ERICH1: variants seen among roughly 807,000 people sequenced by gnomAD.
ERICH1 encodes the protein glutamate rich 1.
A neutral mutation model predicts 39.6 loss-of-function variants in ERICH1; 56 were observed. That is an observed-to-expected ratio of 1.41 (90% CI 1.14 to 1.77). The LOEUF is 1.77. Among genes scored for constraint, ERICH1 ranks in the 40% most tolerant of loss-of-function variants. The probability of loss-of-function intolerance (pLI) is 0.00; values close to 1 mark genes in which losing one functional copy is unlikely to be tolerated. For synonymous variants in ERICH1, 313 were observed against 223.6 expected, an observed-to-expected ratio of 1.40 and a Z score of -3.57; for missense variants, 826 against 575.4, an observed-to-expected ratio of 1.44 and a Z score of -4.45.
chr8:624,007 C>G (rs181005349), intron 3 of ERICH1, among the ~76,000 whole-genome samples: 23 of 152,154 alleles, frequency 1.5e-4, no homozygotes, highest in Admixed American at 2.6e-4. Flanking sequence ...TCTAATCTAA[C>G]GAGGGACTAA....
intron 2 of ERICH1, among the ~76,000 whole-genome samples, chr8:697,736 G>T (rs968595560): frequency 2.0e-5 from 3 of 151,784 alleles, no homozygotes; most frequent in African/African-American, 7.3e-5. Flanking sequence ...CCTCTCAAGA[G>T]GGGAGGGACT....
chr8:683,678 C>T (rs1014154284), intron 3 of ERICH1, among the ~76,000 whole-genome samples: 23 of 152,094 alleles, frequency 1.5e-4, no homozygotes, highest in African/African-American at 5.3e-4. Flanking sequence ...GGGACCTCAA[C>T]GTTATAAAAA....
rs1346605175 is a variant in ERICH1 at position 623,697 on chromosome 8, GC to G, written c.977-8414del. Among the ~76,000 whole-genome samples, 4 of 152,152 alleles carry G rather than the reference GC, an allele frequency of 2.6e-5. No individual in the cohort carries two copies. In the East Asian group the frequency reaches 7.7e-4, roughly 29 times the overall value. Reference sequence around the variant, plus strand: ...TGATGCTGGAACAAGTGGACTTCATGCAAAAACATGAAGTTGAACCCCTTTC... The same window carrying G: ...TGATGCTGGAACAAGTGGACTTCATGAAAAACATGAAGTTGAACCCCTTTC... On this transcript the variant is annotated intron_variant, in intron 3 of 3. Transcript: ENST00000522706.
intron 3 of ERICH1, among the ~76,000 whole-genome samples, chr8:627,932 A>G (rs1178248489): frequency 6.6e-6 from 1 of 152,132 alleles, no homozygotes; most frequent in Non-Finnish European, 1.5e-5. Context: ...CCAGCAGAGA[A>G]CACAGGGGCC....
At chr8:638,195 C>G (rs1798596219) in intron 3 of ERICH1, among the ~76,000 whole-genome samples, 1 of 152,260 alleles carries the variant, frequency 6.6e-6, no homozygotes, top group Non-Finnish European at 1.5e-5. Context: ...CTGGCCCTTG[C>G]CTTGGCGTTT....
chr8:707,708 G>T (rs1274482994), intron 2 of ERICH1, among the ~76,000 whole-genome samples: 1 of 152,088 alleles, frequency 6.6e-6, no homozygotes, highest in Non-Finnish European at 1.5e-5. Flanking sequence ...GAAAACCTAG[G>T]CATAAATCTT....
chr8:664,699 C>T (rs1485985389), intron 5 of ERICH1, 23 bp from the exon 6 acceptor site: 3 of 1,566,746 alleles, frequency 1.9e-6, no homozygotes, highest in South Asian at 1.2e-5. Flanking sequence ...AAACACAAAA[C>T]AAAAAATAAA....
intron 1 of ERICH1, among the ~76,000 whole-genome samples, chr8:726,421 T>C (rs1333225665): frequency 1.3e-5 from 2 of 149,256 alleles, no homozygotes; most frequent in Non-Finnish European, 3.0e-5. Flanking sequence ...TGTACACCCA[T>C]GCCACAGGCA....
chr8:702,634 C>T (rs1812413039), intron 2 of ERICH1, among the ~76,000 whole-genome samples: 1 of 152,232 alleles, frequency 6.6e-6, no homozygotes, highest in African/African-American at 2.4e-5. Flanking sequence ...CCACGTGCTG[C>T]AGGATTCACT....
chr8:668,376 CTT>C, intron 5 of ERICH1: 1 of 579,748 alleles, frequency 1.7e-6, no homozygotes. Flanking sequence ...AGTCCGGAAA[CTT>C]AGACTGCACA....
intron 2 of ERICH1, among the ~76,000 whole-genome samples, chr8:699,751 GTGCACACT>G (rs1563294989): frequency 1.1e-3 from 141 of 133,556 alleles, no homozygotes; most frequent in Non-Finnish European, 1.3e-3. Context: ...ACACGCACAC[GTGCACACT>G]CACACAGCCG....
intron 1 of ERICH1, among the ~76,000 whole-genome samples, chr8:728,096 C>A (rs913758906): frequency 9.9e-5 from 15 of 152,180 alleles, no homozygotes; most frequent in Non-Finnish European, 1.9e-4. Flanking sequence ...TCGTCTCTGC[C>A]AAGCAAACCC....
Position 686,944 on chromosome 8 carries a change from G to GC in ERICH1, c.304+5533dup, listed in dbSNP as rs934284171. 3.2e-5 allele frequency among the ~76,000 whole-genome samples: 3 copies of GC among 94,342 alleles called. No homozygotes were observed. In the Admixed American group the frequency reaches 3.3e-4, roughly 10 times the overall value. 61.9% of individuals were successfully genotyped at this position (94,342 alleles called of 152,430 possible). On this transcript the variant is annotated intron_variant, in intron 3 of 5. Transcript: ENST00000262109. Reference sequence around the variant, plus strand: ...GAGGGTGAGATGCGAGGAATGCGGAGCGGGGGGCAGCCCCATCACCCACCC... The same window carrying GC: ...GAGGGTGAGATGCGAGGAATGCGGAGCCGGGGGGCAGCCCCATCACCCACCC...
intron 3 of ERICH1, among the ~76,000 whole-genome samples, chr8:627,774 T>C (rs1356668545): frequency 1.3e-5 from 2 of 152,184 alleles, no homozygotes; most frequent in African/African-American, 4.8e-5. Context: ...CTCTGCCTTT[T>C]CCTTGGAGAA....
intron 3 of ERICH1, among the ~76,000 whole-genome samples, chr8:643,748 T>C (rs995426679): frequency 6.6e-6 from 1 of 152,208 alleles, no homozygotes; most frequent in African/African-American, 2.4e-5. Flanking sequence ...ATGGGGCGGC[T>C]CCTCAGGGCT....
At chr8:702,810 G>C (rs1446694052) in intron 2 of ERICH1, among the ~76,000 whole-genome samples, 2 of 152,240 alleles carry the variant, frequency 1.3e-5, no homozygotes, top group Non-Finnish European at 2.9e-5. Flanking sequence ...CAGAGGGGCA[G>C]GGCGGAAGCC....
chr8:683,476 GT>G (rs1475628675), intron 3 of ERICH1, among the ~76,000 whole-genome samples: 4 of 152,190 alleles, frequency 2.6e-5, no homozygotes, highest in Non-Finnish European at 4.4e-5. Context: ...GACTTGAAGA[GT>G]TCCCTGTCAC....
At chr8:628,753 A>C (rs1027510478) in intron 3 of ERICH1, among the ~76,000 whole-genome samples, 4 of 152,206 alleles carry the variant, frequency 2.6e-5, no homozygotes, top group African/African-American at 9.7e-5. Flanking sequence ...GTAGTCCCTG[A>C]AGCTGCAGCC....
chr8:639,818 C>T (rs1164104764), intron 3 of ERICH1, among the ~76,000 whole-genome samples: 2 of 125,994 alleles, frequency 1.6e-5, no homozygotes, highest in Admixed American at 8.3e-5. Flanking sequence ...CAGGCAGCCA[C>T]GAATCCAGTG....
Sources: gnomAD v4.1 joint callset for allele counts (sites outside exome capture counted in the v4.1 genomes callset) on GRCh38, gnomAD v4.1.1 for gene constraint, MANE v1.5 for transcripts, NCBI Gene and HGNC (gene_info 2026-07-23, HGNC 2026-07-21) for gene names.